Variants in CDR2 observed in about 807,000 individuals in gnomAD.
CDR2 encodes cerebellar degeneration related protein 2.
A neutral mutation model predicts 48.4 loss-of-function variants in CDR2; 34 were observed. The observed-to-expected ratio is 0.70, with a 90% CI of 0.53 to 0.94. CDR2 has a LOEUF of 0.94. Ranked by LOEUF, CDR2 falls within the 40% of genes least tolerant of loss-of-function variation. CDR2 has a pLI of 0.00. For missense variants in CDR2, 498 were observed against 549.5 expected (o/e 0.91, Z 0.94); for synonymous variants, 240 against 219.7 (o/e 1.09, Z -0.82).
intron 2 of CDR2, among the ~76,000 whole-genome samples, chr16:22,351,718 G>C (rs566496561): frequency 2.0e-5 from 3 of 152,246 alleles, no homozygotes; most frequent in African/African-American, 7.2e-5. Context: ...TTCTGGTCCT[G>C]CTAAGACTGC....
chr16:22,360,471 C>T (rs980517601), intron 2 of CDR2, among the ~76,000 whole-genome samples: 3 of 152,126 alleles, frequency 2.0e-5, no homozygotes, highest in Non-Finnish European at 4.4e-5. Context: ...GTTTGAAACC[C>T]TCCAAGAGTC....
At chr16:22,368,861 G>A (rs867941025) in intron 1 of CDR2, 1 of 152,180 alleles carries the variant, frequency 6.6e-6, no homozygotes, top group Non-Finnish European at 1.5e-5. Flanking sequence ...TTTATTGCCT[G>A]CTCTGCTAGT....
chr16:22,373,396 C>A (rs1401339652), intron 1 of CDR2, among the ~76,000 whole-genome samples: 1 of 152,144 alleles, frequency 6.6e-6, no homozygotes, highest in African/African-American at 2.4e-5. Flanking sequence ...CAGCTTAACG[C>A]CCAACTGAAA....
In CDR2 at chr16:22,347,311, T is replaced by C. The variant is rs1392234124; in HGVS notation, c.1019A>G (p.Gln340Arg). 1.2e-6 allele frequency: 2 copies of C among 1,614,252 alleles called. No individual in the cohort carries two copies. Among genetic ancestry groups the C allele is most frequent in the Non-Finnish European group, 1.7e-6 (2 of 1,180,044 alleles). Residue 340 changes from glutamine to arginine, a missense_variant, in exon 5 of 5, where the codon CAG becomes CGG. Transcript: ENST00000268383. Reference sequence around the variant, plus strand: ...TTCGTGCAGAAGGGAGATGCCCCTCTGTTTCACAGCCTTGGCCCTCCTGAT... The same window carrying C: ...TTCGTGCAGAAGGGAGATGCCCCTCCGTTTCACAGCCTTGGCCCTCCTGAT... Reference protein sequence around the residue: ...TCIRRAKAVKQRGISLLHEVD... With the variant: ...TCIRRAKAVKRRGISLLHEVD...
intron 2 of CDR2, among the ~76,000 whole-genome samples, chr16:22,360,739 CTTTTTT>C (rs201976962): frequency 7.7e-4 from 57 of 74,128 alleles, no homozygotes; most frequent in South Asian, 1.9e-3. Flanking sequence ...AAAAAATGAT[CTTTTTT>C]TTTTTTTTTT....
intron 2 of CDR2, among the ~76,000 whole-genome samples, chr16:22,359,833 G>T (rs1170689021): frequency 6.6e-6 from 1 of 152,076 alleles, no homozygotes; most frequent in Admixed American, 6.5e-5. Context: ...TTAAAATACT[G>T]ATTTCAACAA....
chr16:22,358,581 G>A (rs529525635), intron 2 of CDR2, among the ~76,000 whole-genome samples: 7 of 152,252 alleles, frequency 4.6e-5, no homozygotes, highest in Admixed American at 2.6e-4. Flanking sequence ...ACGACCCCAA[G>A]TAAAAATGCA....
intron 2 of CDR2, among the ~76,000 whole-genome samples, chr16:22,359,359 T>C (rs1178461453): frequency 6.6e-6 from 1 of 152,064 alleles, no homozygotes; most frequent in African/African-American, 2.4e-5. Context: ...ACTCCTGACC[T>C]CGTGATCTAC....
intron 2 of CDR2, among the ~76,000 whole-genome samples, chr16:22,362,874 A>G (rs954444694): frequency 6.6e-6 from 1 of 152,008 alleles, no homozygotes; most frequent in African/African-American, 2.4e-5. Context: ...GGCGTTAGCC[A>G]CCATGCCTAG....
intron 1 of CDR2, among the ~76,000 whole-genome samples, chr16:22,370,172 C>G (rs2049066846): frequency 6.6e-6 from 1 of 152,184 alleles, no homozygotes; most frequent in South Asian, 2.1e-4. Context: ...AGGAGTAATT[C>G]ACTAACAGTA....
At chr16:22,369,764 C>T (rs1203856131) in intron 1 of CDR2, among the ~76,000 whole-genome samples, 1 of 151,104 alleles carries the variant, frequency 6.6e-6, no homozygotes, top group Non-Finnish European at 1.5e-5. Context: ...CAAAAGCTGG[C>T]AGTAAGCCCA....
At chr16:22,368,370 T>TG (rs1321441537) in intron 1 of CDR2, among the ~76,000 whole-genome samples, 1 of 152,024 alleles carries the variant, frequency 6.6e-6, no homozygotes, top group Non-Finnish European at 1.5e-5. Flanking sequence ...CCACCACACC[T>TG]GGCTAATTTT....
intron 1 of CDR2, among the ~76,000 whole-genome samples, chr16:22,371,990 C>G (rs1447142472): frequency 1.3e-5 from 2 of 152,080 alleles, no homozygotes; most frequent in East Asian, 3.9e-4. Context: ...CCTGCCTCAG[C>G]CTCCCGAGTA....
chr16:22,346,735 G>T lies in CDR2; in HGVS notation c.*230C>A. On this transcript the variant is annotated 3_prime_UTR_variant, in exon 5 of 5. Coordinates refer to ENST00000268383, the MANE Select transcript of CDR2 (RefSeq NM_001802.2). The stretch of plus-strand genomic sequence containing the variant: ...GAACTGAAGTCTAATCAGCGCGCCA[G>T]CCAGAGGCCAGTTTGTCATGGGATT... The T allele has an allele frequency of 1.8e-6, 1 of 551,226 alleles. No homozygotes were observed. The highest frequency in any genetic ancestry group is 3.2e-6 in the Non-Finnish European group (1 of 309,220). 34.1% of individuals were successfully genotyped at this position (551,226 alleles called of 1,614,324 possible).
chr16:22,368,635 A>C (rs903314381), intron 1 of CDR2, among the ~76,000 whole-genome samples: 3 of 152,226 alleles, frequency 2.0e-5, no homozygotes, highest in African/African-American at 7.2e-5. Flanking sequence ...GGTGAGTCAC[A>C]GATCAAACAG....
chr16:22,350,061 C>T (rs935321491), intron 2 of CDR2, among the ~76,000 whole-genome samples: 12 of 152,068 alleles, frequency 7.9e-5, no homozygotes, highest in African/African-American at 2.4e-4. Flanking sequence ...TGGTGGCACA[C>T]GCCTGTAATC....
rs749851455 is a variant in CDR2, at chr16:22,374,191, G to A, written c.79+40C>T. ...CAGTTTCGCAGCGGGGGCCTCCCGG[G>A]CCAGGCCGCCGCCCGCCCGCGGGGC... On this transcript the variant is annotated intron_variant, in intron 1 of 4. Coordinates refer to ENST00000268383, the MANE Select transcript of CDR2 (RefSeq NM_001802.2). 5.7e-6 allele frequency: 8 copies of A among 1,407,048 alleles called. No individual in the cohort carries two copies. In the South Asian group the frequency reaches 7.1e-5, roughly 13 times the overall value. The allele number at this position is 1,407,048 out of a possible 1,614,324, so 87.2% of individuals were successfully genotyped here. A position where few individuals can be genotyped will look rare whatever the true frequency, so the allele number is the denominator to read the frequency against.
In CDR2 at chr16:22,349,726, T is replaced by C; in HGVS notation, c.316A>G (p.Lys106Glu). The C allele has an allele frequency of 5.0e-6, 8 of 1,614,210 alleles. No homozygotes were observed. The highest frequency in any genetic ancestry group is 5.9e-6 in the Non-Finnish European group (7 of 1,180,014). The change falls in exon 3 of 5, where the codon AAG becomes GAG. Residue 106 changes from lysine to glutamate, a missense_variant. Transcript: ENST00000268383. Reference sequence around the variant, plus strand: ...CTCAGAATCTTTTGCTGTGAGGCCTTGCTGTCAGCAACTAGCTTTTGATTT... The same window carrying C: ...CTCAGAATCTTTTGCTGTGAGGCCTCGCTGTCAGCAACTAGCTTTTGATTT... ...ETNQKLVADS[K>E]ASQQKILSLT...
intron 1 of CDR2, 53 bp from the exon 2 acceptor site, chr16:22,365,067 T>G: frequency 8.7e-7 from 1 of 1,152,670 alleles, no homozygotes; most frequent in African/African-American, 1.5e-5. Context: ...CATCAACAAT[T>G]TATATAACCC....
Sources: gnomAD v4.1 joint callset for allele counts (sites outside exome capture counted in the v4.1 genomes callset) on GRCh38, gnomAD v4.1.1 for gene constraint, MANE v1.5 for transcripts, NCBI Gene and HGNC (gene_info 2026-07-23, HGNC 2026-07-21) for gene names.